ZFAND3: variants seen among roughly 807,000 people sequenced by gnomAD.
The protein encoded by ZFAND3 is zinc finger AN1-type containing 3, also known as AN1-type zinc finger protein 3.
A neutral mutation model predicts 29.6 loss-of-function variants in ZFAND3; 10 were observed. The ratio of observed to expected loss-of-function variants is 0.34; its 90% CI spans 0.21 to 0.57. The LOEUF (loss-of-function observed/expected upper bound fraction) is 0.57. Ranked by LOEUF, ZFAND3 falls within the 20% of genes least tolerant of loss-of-function variation. The pLI, the probability that ZFAND3 is intolerant of heterozygous loss-of-function variation, is 0.86. For synonymous variants in ZFAND3, 128 were observed against 112.6 expected, an observed-to-expected ratio of 1.14 and a Z score of -0.87; for missense variants, 230 against 304.5, an observed-to-expected ratio of 0.76 and a Z score of 1.82.
chr6:37,911,667 A>G (rs1765523076), intron 1 of ZFAND3, among the ~76,000 whole-genome samples: 1 of 152,148 alleles, frequency 6.6e-6, no homozygotes, highest in Non-Finnish European at 1.5e-5. Context: ...TTTTGCACTT[A>G]CTGGTTTGGG....
At chr6:37,975,422 T>G (rs936269576) in intron 2 of ZFAND3, among the ~76,000 whole-genome samples, 2 of 152,192 alleles carry the variant, frequency 1.3e-5, no homozygotes, top group Non-Finnish European at 2.9e-5. Flanking sequence ...CTTTGACTTG[T>G]CTTTTTTATA....
chr6:38,018,649 T>C (rs1311894604), intron 2 of ZFAND3, among the ~76,000 whole-genome samples: 2 of 152,222 alleles, frequency 1.3e-5, no homozygotes, highest in African/African-American at 4.8e-5. Context: ...TGTGGCTGTA[T>C]AGTTTTACAT....
chr6:37,902,737 CT>C lies in ZFAND3; in HGVS notation c.72-27199del, dbSNP rs11448512. On this transcript the variant is annotated intron_variant, in intron 1 of 5. Coordinates refer to ENST00000287218, the MANE Select transcript of ZFAND3 (RefSeq NM_021943.3). Reference sequence around the variant, plus strand: ...TGCAGCAGCAAGCTTCTTTTACTTACTTTTTTTTTTTTTTTTTTTTTTTAAG... The same window carrying C: ...TGCAGCAGCAAGCTTCTTTTACTTACTTTTTTTTTTTTTTTTTTTTTTAAG... 6.1e-3 allele frequency among the ~76,000 whole-genome samples: 613 copies of C among 100,390 alleles called. 2 individuals carry two copies. The highest frequency in any genetic ancestry group is 0.015 in the Middle Eastern group (2 of 130). 65.9% of individuals were successfully genotyped at this position (100,390 alleles called of 152,430 possible). A position where few individuals can be genotyped will look rare whatever the true frequency, so the allele number is the denominator to read the frequency against.
At chr6:37,932,131 T>G (rs1367114723) in intron 2 of ZFAND3, among the ~76,000 whole-genome samples, 5 of 151,952 alleles carry the variant, frequency 3.3e-5, no homozygotes, top group Non-Finnish European at 7.4e-5. Context: ...TAGCTGGGTG[T>G]GGTGGCCCGT....
chr6:37,984,483 A>G (rs1762631709), intron 2 of ZFAND3, among the ~76,000 whole-genome samples: 1 of 152,206 alleles, frequency 6.6e-6, no homozygotes, highest in African/African-American at 2.4e-5. Context: ...CTAGAAAGCA[A>G]ACTAAAAATT....
rs557370288 is a variant in ZFAND3, at chr6:38,031,690, T to G, written c.113-29903T>G. Among the ~76,000 whole-genome samples, 3 of 152,348 alleles carry G rather than the reference T, an allele frequency of 2.0e-5. No individual in the cohort carries two copies. In the East Asian group the frequency reaches 5.8e-4, roughly 29 times the overall value. On this transcript the variant is annotated intron_variant, in intron 2 of 5. Transcript: ENST00000287218. ...TTGTAAATGAAGATATTAATAATTA[T>G]AACCGCCTTAAAGTTTTGTTGGTTA...
intron 2 of ZFAND3, among the ~76,000 whole-genome samples, chr6:37,942,838 T>C (rs1761835485): frequency 1.3e-5 from 2 of 152,128 alleles, no homozygotes; most frequent in African/African-American, 2.4e-5. Context: ...AGAGTTCTCT[T>C]TTTAGCTGAT....
intron 4 of ZFAND3, among the ~76,000 whole-genome samples, chr6:38,109,278 G>A (rs1012531852): frequency 2.0e-5 from 3 of 150,890 alleles, no homozygotes; most frequent in Non-Finnish European, 4.4e-5. Context: ...CACCTCCTGC[G>A]TTCAAGCGAT....
chr6:37,832,254 C>T lies in ZFAND3; in HGVS notation c.71+12238C>T, dbSNP rs184410975. On this transcript the variant is annotated intron_variant, in intron 1 of 5. Transcript: ENST00000287218. ...AGAGGGGGCTTAAGTTTAAGAGCAG[C>T]GACAGATTGGATGGTGGGGAGTGGT... 9.1e-4 allele frequency among the ~76,000 whole-genome samples: 138 copies of T among 152,046 alleles called. 1 individual carries two copies. The highest frequency in any genetic ancestry group is 3.0e-3 in the African/African-American group (124 of 41,476).
chr6:38,148,028 T>C (rs1766145367), intron 5 of ZFAND3, among the ~76,000 whole-genome samples: 1 of 152,220 alleles, frequency 6.6e-6, no homozygotes. Flanking sequence ...ATAAATTCTT[T>C]GCCTAGATCA....
chr6:38,100,284 G>A (rs1475020919), intron 4 of ZFAND3, among the ~76,000 whole-genome samples: 1 of 151,980 alleles, frequency 6.6e-6, no homozygotes, highest in African/African-American at 2.4e-5. Flanking sequence ...GGATGGTCTC[G>A]ATCTCTTGAC....
At chr6:37,847,514 C>T (rs571411838) in intron 1 of ZFAND3, among the ~76,000 whole-genome samples, 10 of 152,278 alleles carry the variant, frequency 6.6e-5, no homozygotes, top group African/African-American at 2.2e-4. Context: ...GTAGAGGTTG[C>T]AGTGAGCCGA....
At chr6:37,871,390 T>G (rs1388376568) in intron 1 of ZFAND3, among the ~76,000 whole-genome samples, 3 of 152,230 alleles carry the variant, frequency 2.0e-5, no homozygotes, top group Non-Finnish European at 4.4e-5. Context: ...AGCATAGTTA[T>G]AGTAGCTGCT....
chr6:37,869,675 T>C (rs1416847008), intron 1 of ZFAND3, among the ~76,000 whole-genome samples: 1 of 151,194 alleles, frequency 6.6e-6, no homozygotes. Flanking sequence ...TGCCTGGCTA[T>C]TAAAAAAATT....
chr6:38,144,158 G>A (rs1292882710), intron 5 of ZFAND3, among the ~76,000 whole-genome samples: 1 of 102,486 alleles, frequency 9.8e-6, no homozygotes, highest in African/African-American at 4.1e-5. Flanking sequence ...TTATTACCTT[G>A]CTAGAAAAAT....
chr6:38,021,421 C>G (rs1763346616), intron 2 of ZFAND3, among the ~76,000 whole-genome samples: 1 of 151,904 alleles, frequency 6.6e-6, no homozygotes, highest in Non-Finnish European at 1.5e-5. Context: ...GATTCCCTAG[C>G]TTTTTTTTCC....
chr6:38,153,681 G>T lies in ZFAND3; in HGVS notation c.*1292G>T. 1.0e-6 allele frequency: 1 copy of T among 985,412 alleles called. No homozygotes were observed. Among genetic ancestry groups the T allele is most frequent in the Non-Finnish European group, 1.2e-6 (1 of 829,926 alleles). 61.0% of individuals were successfully genotyped at this position (985,412 alleles called of 1,614,324 possible). A position where few individuals can be genotyped will look rare whatever the true frequency, so the allele number is the denominator to read the frequency against. ...CGCACGCCAGGTGGGGAAGGGTGGG[G>T]GTGGGCCTGGTTGCCCCATGTTAGG... On this transcript the variant is annotated 3_prime_UTR_variant, in exon 6 of 6. Transcript: ENST00000287218.
chr6:38,048,988 A>C (rs1238332842), intron 2 of ZFAND3, among the ~76,000 whole-genome samples: 3 of 152,282 alleles, frequency 2.0e-5, no homozygotes, highest in South Asian at 4.2e-4. Context: ...CAAGGCACAG[A>C]CGTCTTGTAT....
chr6:37,998,435 G>T (rs553257606), intron 2 of ZFAND3, among the ~76,000 whole-genome samples: 2 of 151,730 alleles, frequency 1.3e-5, no homozygotes, highest in East Asian at 1.9e-4. Context: ...GAATTTTAAT[G>T]TGTGAAAATT....
Sources: allele counts gnomAD v4.1 joint callset (sites outside exome capture counted in the v4.1 genomes callset), GRCh38; gene constraint gnomAD v4.1.1; transcripts MANE v1.5; gene names NCBI Gene and HGNC (gene_info 2026-07-23, HGNC 2026-07-21).